Variants in PRDX3 observed in about 807,000 individuals in gnomAD.
PRDX3 encodes the protein thioredoxin-dependent peroxide reductase, mitochondrial.
PRDX3 carries 20 observed loss-of-function variants against 30.4 expected under a neutral mutation model. The ratio of observed to expected loss-of-function variants is 0.66; its 90% CI spans 0.46 to 0.96. The LOEUF (loss-of-function observed/expected upper bound fraction) is 0.96. Ranked by LOEUF, PRDX3 falls within the 40% of genes least tolerant of loss-of-function variation. PRDX3 has a pLI of 0.00. For missense variants in PRDX3, 322 were observed against 318.3 expected (o/e 1.01, Z -0.09); for synonymous variants, 124 against 117.8 (o/e 1.05, Z -0.34).
chr10:119,177,194 G>A (rs1040313627), intron 1 of PRDX3, 41 bp from the exon 2 acceptor site: 6 of 1,604,686 alleles, frequency 3.7e-6, no homozygotes, highest in Non-Finnish European at 5.1e-6. Flanking sequence ...TTCCTGGACT[G>A]GTGACTGAAG....
At position 119,173,823 on chromosome 10, in the gene PRDX3, C is replaced by T. The variant is rs779344159; in HGVS notation, c.361G>A (p.Glu121Lys). The T allele has an allele frequency of 1.6e-5, 25 of 1,611,568 alleles. 1 individual carries two copies. Among genetic ancestry groups the T allele is most frequent in the South Asian group, 1.1e-4 (10 of 90,896 alleles). ...EIVAFSDKANEFHDVNCEVVA... is the reference protein window; with the variant it reads ...EIVAFSDKANKFHDVNCEVVA... ...ACTTCACAGTTCACGTCGTGAAATTCGTTAGCTTTGTCACTAAAAGCAACA... is the reference window on the plus strand; with the variant it reads ...ACTTCACAGTTCACGTCGTGAAATTTGTTAGCTTTGTCACTAAAAGCAACA... The change falls in exon 4 of 7, where the codon GAA (glutamate) becomes AAA (lysine). Residue 121 changes from glutamate (E) to lysine (K), a missense_variant. Coordinates refer to ENST00000298510, the MANE Select transcript of PRDX3 (RefSeq NM_006793.5).
intron 2 of PRDX3, among the ~76,000 whole-genome samples, 179 bp downstream of exon 2, chr10:119,176,842 C>G (rs1848039336): frequency 6.6e-6 from 1 of 152,186 alleles, no homozygotes; most frequent in South Asian, 2.1e-4. Context: ...TAGAATCACC[C>G]GGCACATCCT....
At chr10:119,169,113 C>T in intron 6 of PRDX3, 64 bp downstream of exon 6, 2 of 1,467,576 alleles carry the variant, frequency 1.4e-6, no homozygotes, top group Non-Finnish European at 1.9e-6. Flanking sequence ...GTGGATATTT[C>T]AGGTCAATAG....
chr10:119,169,521 GATGCTTTA>G, intron 5 of PRDX3, 179 bp from the exon 6 acceptor site: 1 of 561,918 alleles, frequency 1.8e-6, no homozygotes, highest in South Asian at 2.3e-5. Context: ...ACTGATGACA[GATGCTTTA>G]ACAAAGGCAG....
Position 119,168,043 on chromosome 10 carries a change from A to T in PRDX3, c.*437T>A, listed in dbSNP as rs1235394832. The T allele has an allele frequency of 6.1e-6, 1 of 162,688 alleles. No individual in the cohort carries two copies. The highest frequency in any genetic ancestry group is 2.4e-5 in the African/African-American group (1 of 41,536). 10.1% of individuals were successfully genotyped at this position (162,688 alleles called of 1,614,324 possible). A position where few individuals can be genotyped will look rare whatever the true frequency, so the allele number is the denominator to read the frequency against. On this transcript the variant is annotated 3_prime_UTR_variant, in exon 7 of 7. Transcript: ENST00000298510. ...ACACGGCTAATCATTGAAAATTATG[A>T]TCTTTGTTAGCTTAAAAGAAAATTC...
intron 2 of PRDX3, among the ~76,000 whole-genome samples, chr10:119,175,679 G>A (rs1376690548): frequency 6.6e-6 from 1 of 152,164 alleles, no homozygotes. Flanking sequence ...ACAGGCGTGA[G>A]CCACAGTGCC....
In PRDX3 at chr10:119,178,091, G is replaced by A. The variant is rs1193968510; in HGVS notation, c.36+664C>T. ...TTGTCCAGGCTGGTCTCAAACTCCT[G>A]GGCTCAAGTGATCTGCCCGCCTCGG... On this transcript the variant is annotated intron_variant, in intron 1 of 6. Coordinates refer to ENST00000298510, the MANE Select transcript of PRDX3 (RefSeq NM_006793.5). Among the ~76,000 whole-genome samples the A allele has an allele frequency of 6.6e-5, 10 of 151,860 alleles. No individual in the cohort carries two copies. In the South Asian group the frequency reaches 2.1e-3, roughly 32 times the overall value.
intron 2 of PRDX3, among the ~76,000 whole-genome samples, chr10:119,175,113 A>G (rs948616857): frequency 1.3e-5 from 2 of 152,242 alleles, no homozygotes; most frequent in Non-Finnish European, 2.9e-5. Flanking sequence ...TACAGAAACT[A>G]AAAAGAGGAA....
chr10:119,169,019 C>T (rs892447438), intron 6 of PRDX3, among the ~76,000 whole-genome samples, 158 bp downstream of exon 6: 6 of 152,010 alleles, frequency 3.9e-5, no homozygotes, highest in Non-Finnish European at 5.9e-5. Context: ...GTTCCTGGCT[C>T]CCCACCCCAC....
At chr10:119,174,991 C>T (rs1052896619) in intron 2 of PRDX3, among the ~76,000 whole-genome samples, 1 of 152,092 alleles carries the variant, frequency 6.6e-6, no homozygotes, top group African/African-American at 2.4e-5. Flanking sequence ...CCATTTTTCC[C>T]TCCCAATATT....
At chr10:119,168,639 T>C (rs762427428) in intron 6 of PRDX3, 106 bp from the exon 7 acceptor site, 2 of 1,520,516 alleles carry the variant, frequency 1.3e-6, no homozygotes, top group Non-Finnish European at 1.8e-6. Flanking sequence ...TTTAAACTTT[T>C]AAAGATTTCC....
intron 6 of PRDX3, 24 bp downstream of exon 6, chr10:119,169,153 C>A: frequency 6.2e-7 from 1 of 1,609,808 alleles, no homozygotes; most frequent in Non-Finnish European, 8.5e-7. Context: ...ATGGACCTCA[C>A]TGCTTTTGGG....
chr10:119,175,918 C>T (rs1848015999), intron 2 of PRDX3, among the ~76,000 whole-genome samples: 1 of 151,606 alleles, frequency 6.6e-6, no homozygotes, highest in Non-Finnish European at 1.5e-5. Flanking sequence ...AGCTGGGATT[C>T]CAGTAGCACA....
chr10:119,172,527 A>T (rs1249428592), intron 4 of PRDX3, 42 bp from the exon 5 acceptor site: 3 of 1,511,042 alleles, frequency 2.0e-6, no homozygotes, highest in Non-Finnish European at 2.8e-6. Context: ...GTGTGGCCTC[A>T]CAACATTCTT....
chr10:119,173,865 C>T lies in PRDX3; in HGVS notation c.319G>A (p.Val107Met), dbSNP rs1160925831. 2 of 1,601,384 alleles carry T rather than the reference C, an allele frequency of 1.2e-6. No individual in the cohort carries two copies. The highest frequency in any genetic ancestry group is 1.3e-5 in the African/African-American group (1 of 74,478). The stretch of plus-strand genomic sequence containing the variant: ...AAAGCAACAATTTCTGTAGGACACA[C>T]AAAGGTGCTGGAAAAAAAGGATAGA... Reference protein sequence around the residue: ...LFFYPLDFTFVCPTEIVAFSD... With the variant: ...LFFYPLDFTFMCPTEIVAFSD... Residue 107 changes from valine (V) to methionine (M), a missense_variant, in exon 4 of 7, where the codon GTG becomes ATG. Transcript: ENST00000298510.
intron 3 of PRDX3, 110 bp from the exon 4 acceptor site, chr10:119,173,982 T>C (rs1158801412): frequency 9.3e-7 from 1 of 1,074,302 alleles, no homozygotes; most frequent in Non-Finnish European, 1.3e-6. Context: ...GGCAAAATGG[T>C]TTACCATCCT....
At chr10:119,168,998 T>A (rs36075462) in intron 6 of PRDX3, among the ~76,000 whole-genome samples, 179 bp downstream of exon 6, 1 of 148,430 alleles carries the variant, frequency 6.7e-6, no homozygotes, top group South Asian at 2.1e-4. Context: ...CCTGCCTGTC[T>A]CTGATAATTG....
In PRDX3 at chr10:119,168,474, G is replaced by T. The variant is rs1470965975; in HGVS notation, c.*6C>A. 6.2e-7 allele frequency: 1 copy of T among 1,613,448 alleles called. No homozygotes were observed. Among genetic ancestry groups the T allele is most frequent in the African/African-American group, 1.3e-5 (1 of 74,898 alleles). On this transcript the variant is annotated 3_prime_UTR_variant, in exon 7 of 7. Transcript: ENST00000298510. ...AGTTGAGAAGGTGCAGATACACATG[G>T]GTGATCTACTGATTTACCTTCTGAA...
Position 119,173,771 on chromosome 10 carries a change from A to T in PRDX3, c.413T>A (p.Phe138Tyr). ...TGTATTTATCCAGGCAAGATGGCTAAAGTGGGAATCCACTGAGACTGCGAC... is the reference window on the plus strand; with the variant it reads ...TGTATTTATCCAGGCAAGATGGCTATAGTGGGAATCCACTGAGACTGCGAC... The part of the protein sequence containing the change: ...EVVAVSVDSH[F>Y]SHLAWINTPR... The change falls in exon 4 of 7, where the codon TTT becomes TAT. Residue 138 changes from phenylalanine to tyrosine, a missense_variant. Transcript: ENST00000298510. 6.2e-7 allele frequency: 1 copy of T among 1,612,578 alleles called. No individual in the cohort carries two copies. Among genetic ancestry groups the T allele is most frequent in the Non-Finnish European group, 8.5e-7 (1 of 1,179,932 alleles).
Sources: gnomAD v4.1 joint callset for allele counts (sites outside exome capture counted in the v4.1 genomes callset) on GRCh38, gnomAD v4.1.1 for gene constraint, MANE v1.5 for transcripts, NCBI Gene and HGNC (gene_info 2026-07-23, HGNC 2026-07-21) for gene names.